Variants in BLOC1S5 observed in about 807,000 individuals in gnomAD.
BLOC1S5 encodes the protein biogenesis of lysosome-related organelles complex 1 subunit 5.
In BLOC1S5, 27 loss-of-function variants were observed where a neutral mutation model predicts 24.3. The ratio of observed to expected loss-of-function variants is 1.11; its 90% CI spans 0.82 to 1.53. BLOC1S5 has a LOEUF of 1.53. BLOC1S5 is among the 40% of genes most tolerant of loss of function. The pLI, the probability that BLOC1S5 is intolerant of heterozygous loss-of-function variation, is 0.00. For synonymous variants in BLOC1S5, 84 were observed against 74.5 expected (o/e 1.13, Z -0.66); for missense variants, 239 against 229.4 (o/e 1.04, Z -0.27).
chr6:8,027,188 C>T, intron 3 of BLOC1S5: 2 of 307,978 alleles, frequency 6.5e-6, no homozygotes, highest in Non-Finnish European at 1.3e-5. Flanking sequence ...ATTTTCTGTT[C>T]ATAAATGTTC....
At chr6:8,034,179 C>T (rs11754876) in intron 3 of BLOC1S5, among the ~76,000 whole-genome samples, 19,413 of 152,182 alleles carry the variant, frequency 0.13, 1,538 homozygotes, top group South Asian at 0.28. Context: ...CATATGCACA[C>T]GTATGTTTAT....
At chr6:8,021,897 G>A (rs1165587332) in intron 4 of BLOC1S5, among the ~76,000 whole-genome samples, 1 of 151,984 alleles carries the variant, frequency 6.6e-6, no homozygotes, top group African/African-American at 2.4e-5. Flanking sequence ...CAAAAGTAAT[G>A]AACTATAATG....
chr6:8,038,091 G>A (rs1421770087), intron 3 of BLOC1S5, among the ~76,000 whole-genome samples: 1 of 152,152 alleles, frequency 6.6e-6, no homozygotes, highest in Non-Finnish European at 1.5e-5. Context: ...ACATTGGTCT[G>A]GGCAAAGACT....
intron 2 of BLOC1S5, among the ~76,000 whole-genome samples, chr6:8,055,086 T>G (rs1313450075): frequency 6.6e-6 from 1 of 152,240 alleles, no homozygotes. Context: ...ATGAGTTATA[T>G]CGTTCTTTCC....
chr6:8,039,378 T>C (rs1416774107), intron 3 of BLOC1S5, among the ~76,000 whole-genome samples: 1 of 152,174 alleles, frequency 6.6e-6, no homozygotes, highest in Non-Finnish European at 1.5e-5. Context: ...ATTTGATATA[T>C]CAGTAGGGTG....
intron 1 of BLOC1S5, among the ~76,000 whole-genome samples, chr6:8,063,083 A>G (rs1757321887): frequency 6.6e-6 from 1 of 152,166 alleles, no homozygotes; most frequent in African/African-American, 2.4e-5. Flanking sequence ...AGCAAGTTTC[A>G]GAAGGATTAA....
chr6:8,026,219 C>T (rs1280116715), intron 4 of BLOC1S5, 148 bp downstream of exon 4: 1 of 610,130 alleles, frequency 1.6e-6, no homozygotes, highest in Non-Finnish European at 2.8e-6. Flanking sequence ...TATGACCACA[C>T]CTCCTCAACA....
chr6:8,059,299 T>C (rs2113607945), intron 2 of BLOC1S5, among the ~76,000 whole-genome samples: 1 of 152,352 alleles, frequency 6.6e-6, no homozygotes, highest in South Asian at 2.1e-4. Context: ...GAGCTTAAAA[T>C]AGCCTAAGAG....
At chr6:8,058,357 G>GAAAAAAAAAAA (rs60827828) in intron 2 of BLOC1S5, among the ~76,000 whole-genome samples, 6 of 84,586 alleles carry the variant, frequency 7.1e-5, no homozygotes, top group Admixed American at 1.4e-4. Flanking sequence ...CTGTCTCTAT[G>GAAAAAAAAAAA]AAAAAAAAAA....
At chr6:8,029,233 G>A (rs1008386037) in intron 3 of BLOC1S5, among the ~76,000 whole-genome samples, 7 of 152,074 alleles carry the variant, frequency 4.6e-5, no homozygotes, top group African/African-American at 1.4e-4. Flanking sequence ...ATACAGTGCC[G>A]GCAATACCCC....
intron 2 of BLOC1S5, among the ~76,000 whole-genome samples, chr6:8,059,585 C>T (rs564390897): frequency 2.2e-4 from 34 of 152,306 alleles, no homozygotes; most frequent in Non-Finnish European, 4.0e-4. Context: ...ATCATTGTTT[C>T]GGCCATGATA....
chr6:8,022,151 T>G (rs1385771488), intron 4 of BLOC1S5, among the ~76,000 whole-genome samples: 1 of 151,324 alleles, frequency 6.6e-6, no homozygotes, highest in African/African-American at 2.4e-5. Context: ...TCAGTGATTT[T>G]CAATGGGGGG....
rs139232155 is a variant in BLOC1S5 at position 8,026,366 on chromosome 6, C to T, written c.384+1G>A. The stretch of plus-strand genomic sequence containing the variant: ...GCCTCATTATCTAAATGATCTTTTA[C>T]CTTTTTTCGTTCCTGTTCCCTCTGT... On this transcript the variant is annotated splice_donor_variant, in intron 4 of 4. Transcript: ENST00000397457. LOFTEE classifies it high-confidence loss of function. 3 of 1,603,102 alleles carry T rather than the reference C, an allele frequency of 1.9e-6. No homozygotes were observed. Among genetic ancestry groups the T allele is most frequent in the Non-Finnish European group, 2.6e-6 (3 of 1,170,388 alleles).
chr6:8,058,364 A>T, intron 2 of BLOC1S5, among the ~76,000 whole-genome samples: 1 of 49,038 alleles, frequency 2.0e-5, no homozygotes. Flanking sequence ...TATGAAAAAA[A>T]AAAAAAAAAA....
At chr6:8,019,383 C>T (rs891511970) in intron 4 of BLOC1S5, among the ~76,000 whole-genome samples, 5 of 151,894 alleles carry the variant, frequency 3.3e-5, no homozygotes, top group African/African-American at 1.2e-4. Flanking sequence ...ATTCTCATGC[C>T]TCAGCCTCTC....
chr6:8,059,860 C>T (rs1764454199), intron 2 of BLOC1S5, among the ~76,000 whole-genome samples: 1 of 152,126 alleles, frequency 6.6e-6, no homozygotes, highest in Non-Finnish European at 1.5e-5. Context: ...GTTCTTGAGC[C>T]CTTCAGAGAC....
chr6:8,050,936 T>C (rs947519708), intron 2 of BLOC1S5, among the ~76,000 whole-genome samples: 4 of 151,728 alleles, frequency 2.6e-5, no homozygotes, highest in Non-Finnish European at 5.9e-5. Context: ...AAATTAAAAA[T>C]GTTATTCCAT....
intron 3 of BLOC1S5, among the ~76,000 whole-genome samples, chr6:8,037,636 A>G (rs1230337131): frequency 6.6e-6 from 1 of 152,206 alleles, no homozygotes; most frequent in African/African-American, 2.4e-5. Flanking sequence ...AAATTTATAC[A>G]GAATCACGAA....
At chr6:8,041,323 T>TTTC in intron 2 of BLOC1S5, 55 bp from the exon 3 acceptor site, 1 of 1,504,144 alleles carries the variant, frequency 6.6e-7, no homozygotes, top group Non-Finnish European at 8.9e-7. Flanking sequence ...TTTTTTTTTT[T>TTTC]TTTTTTTGAA....
Sources: allele counts gnomAD v4.1 joint callset (sites outside exome capture counted in the v4.1 genomes callset), GRCh38; gene constraint gnomAD v4.1.1; transcripts MANE v1.5; gene names NCBI Gene and HGNC (gene_info 2026-07-23, HGNC 2026-07-21).